NAA11: variants seen among roughly 807,000 people sequenced by gnomAD.
The protein encoded by NAA11 is N-alpha-acetyltransferase 11.
A neutral mutation model predicts 16.1 loss-of-function variants in NAA11; 15 were observed. That is an observed-to-expected ratio of 0.93 (90% confidence interval 0.62 to 1.44). The LOEUF (loss-of-function observed/expected upper bound fraction) is 1.44, where lower values mean the gene tolerates loss of function less well. Among genes scored for constraint, NAA11 ranks in the 40% most tolerant of loss-of-function variants. The pLI is 0.00. For missense variants in NAA11, 298 were observed against 291.3 expected (o/e 1.02, Z -0.17); for synonymous variants, 122 against 112.4 (o/e 1.09, Z -0.54).
chr4:79,195,017 A>G, the NAA11 span, among the ~76,000 whole-genome samples: 1 of 152,110 alleles, frequency 6.6e-6, no homozygotes, highest in Non-Finnish European at 1.5e-5. Flanking sequence ...AGCAGAGAAA[A>G]AAGGATGAGA....
chr4:79,177,373 G>A, the NAA11 span, among the ~76,000 whole-genome samples: 23 of 144,696 alleles, frequency 1.6e-4, no homozygotes, highest in Middle Eastern at 6.9e-3. Context: ...TTGTTAATCT[G>A]AGTGCAGAAC....
rs1234071250 is a variant in NAA11 at position 79,303,072 on chromosome 4, CCTTTTATA to C, written c.*13-8966_*13-8959del. Reference sequence around the variant, plus strand: ...CCTTTTCATTCCTGTTCTCTTGAGGCCTTTTATATATATATATATATATATATATATAT... The same window carrying C: ...CCTTTTCATTCCTGTTCTCTTGAGGCTATATATATATATATATATATATAT... On this transcript the variant is annotated intron_variant and NMD_transcript_variant, in intron 1 of 2. Coordinates refer to the NAA11 transcript ENST00000511542. Among the ~76,000 whole-genome samples, 160 of 89,068 alleles carry C rather than the reference CCTTTTATA, an allele frequency of 1.8e-3. 1 individual carries two copies. Among genetic ancestry groups the C allele is most frequent in the African/African-American group, 6.9e-3 (152 of 22,002 alleles). The allele number at this position is 89,068 out of a possible 152,430, so 58.4% of individuals were successfully genotyped here.
intron 1 of NAA11, among the ~76,000 whole-genome samples, chr4:79,305,806 TATAAC>T (rs1170017482): frequency 1.3e-5 from 2 of 152,160 alleles, no homozygotes; most frequent in Admixed American, 1.3e-4. Context: ...TCTCAAATGG[TATAAC>T]ATAATAATCC....
chr4:79,155,578 A>G, the NAA11 span, among the ~76,000 whole-genome samples: 1 of 152,206 alleles, frequency 6.6e-6, no homozygotes, highest in Non-Finnish European at 1.5e-5. Context: ...TCTCTCACCA[A>G]ATCTTTTGCC....
chr4:79,196,979 A>AAAAAG, the NAA11 span, among the ~76,000 whole-genome samples: 25 of 125,670 alleles, frequency 2.0e-4, no homozygotes, highest in South Asian at 5.1e-4. Flanking sequence ...AAAAAAAAAA[A>AAAAAG]AAAGAAAGAA....
At chr4:79,231,733 G>A (rs1047847706) in intron 2 of NAA11, among the ~76,000 whole-genome samples, 5 of 151,652 alleles carry the variant, frequency 3.3e-5, no homozygotes, top group African/African-American at 7.3e-5. Flanking sequence ...TTTTATTATT[G>A]TCAAAAATAA....
At chr4:79,267,596 T>G (rs1183530588) in intron 2 of NAA11, among the ~76,000 whole-genome samples, 2 of 152,144 alleles carry the variant, frequency 1.3e-5, no homozygotes, top group Non-Finnish European at 2.9e-5. Flanking sequence ...ATCTCATAAC[T>G]GCAAATACAA....
chr4:79,220,461 G>T, the NAA11 span, among the ~76,000 whole-genome samples: 1 of 151,770 alleles, frequency 6.6e-6, no homozygotes, highest in South Asian at 2.1e-4. Flanking sequence ...GTGTGTGTGT[G>T]TGTGTGTGTT....
chr4:79,312,646 CAAAAAAAAA>C (rs544315352), downstream of NAA11, among the ~76,000 whole-genome samples: 371 of 69,414 alleles, frequency 5.3e-3, 3 homozygotes, highest in Admixed American at 0.016. Flanking sequence ...GACTCCATCT[CAAAAAAAAA>C]AAAAAAAAAA....
chr4:79,170,841 T>G, the NAA11 span, among the ~76,000 whole-genome samples: 424 of 152,206 alleles, frequency 2.8e-3, 5 homozygotes, highest in Admixed American at 0.026. Flanking sequence ...GCCAAAACAC[T>G]TGTTTTGTGT....
chr4:79,175,273 C>T, the NAA11 span, among the ~76,000 whole-genome samples: 3 of 152,104 alleles, frequency 2.0e-5, no homozygotes, highest in Admixed American at 6.6e-5. Context: ...TGTATTTCTA[C>T]TAGCAGTGAA....
intron 2 of NAA11, among the ~76,000 whole-genome samples, chr4:79,265,762 G>GGT (rs386357091): frequency 6.2e-4 from 31 of 49,738 alleles, no homozygotes; most frequent in Non-Finnish European, 1.2e-3. Context: ...CAGATTCTGT[G>GGT]TTTTTTTTTG....
chr4:79,180,659 G>A, the NAA11 span, among the ~76,000 whole-genome samples: 1 of 152,168 alleles, frequency 6.6e-6, no homozygotes, highest in Non-Finnish European at 1.5e-5. Context: ...AACCATTGTG[G>A]AAGACAGTGT....
At chr4:79,173,627 A>C in the NAA11 span, among the ~76,000 whole-genome samples, 6 of 152,150 alleles carry the variant, frequency 3.9e-5, no homozygotes, top group African/African-American at 1.4e-4. Flanking sequence ...ACAGAAAATG[A>C]GAGTTTCAGA....
chr4:79,237,786 A>G (rs561506826), intron 2 of NAA11, among the ~76,000 whole-genome samples: 1 of 152,220 alleles, frequency 6.6e-6, no homozygotes, highest in Non-Finnish European at 1.5e-5. Context: ...TCCAAGCTAC[A>G]TGTGGGTCAT....
At chr4:79,319,522 T>C (rs115317796) in intron 1 of NAA11, among the ~76,000 whole-genome samples, 2,499 of 152,272 alleles carry the variant, frequency 0.016, 69 homozygotes, top group African/African-American at 0.056. Flanking sequence ...ATAAAGCCCA[T>C]TGGATTTCAT....
downstream of NAA11, among the ~76,000 whole-genome samples, chr4:79,224,922 G>C (rs532003607): frequency 6.6e-6 from 1 of 151,890 alleles, no homozygotes. Context: ...CAAAAGATCC[G>C]ACCAGTACTT....
chr4:79,275,673 T>C (rs949098943), intron 2 of NAA11, among the ~76,000 whole-genome samples: 3 of 152,124 alleles, frequency 2.0e-5, no homozygotes, highest in African/African-American at 7.2e-5. Context: ...GCAAATGGGT[T>C]ATCCTGAAAT....
intron 2 of NAA11, among the ~76,000 whole-genome samples, chr4:79,230,267 A>G (rs946793283): frequency 2.0e-5 from 3 of 150,158 alleles, no homozygotes; most frequent in Non-Finnish European, 4.4e-5. Flanking sequence ...CACTCTGGGG[A>G]CTGTTGTGGG....
Sources: gnomAD v4.1 joint callset for allele counts (sites outside exome capture counted in the v4.1 genomes callset) on GRCh38, gnomAD v4.1.1 for gene constraint, MANE v1.5 for transcripts, NCBI Gene and HGNC (gene_info 2026-07-23, HGNC 2026-07-21) for gene names.